Variants in RGPD2 observed in about 807,000 individuals in gnomAD.
RGPD2 encodes RANBP2-like and GRIP domain-containing protein 2.
In RGPD2, 2 loss-of-function variants were observed where a neutral mutation model predicts 36.0. The ratio of observed to expected loss-of-function variants is 0.06; its 90% confidence interval spans 0.02 to 0.17. RGPD2 has a LOEUF of 0.17. Among genes scored for constraint, RGPD2 ranks in the 10% least tolerant of loss-of-function variants. The pLI is 1.00. For synonymous variants in RGPD2, 19 were observed against 163.8 expected (o/e 0.12, Z 6.75); for missense variants, 40 against 464.3 (o/e 0.09, Z 8.40).
At chr2:87,763,332 T>C (rs1306361750) in intron 22 of RGPD2, among the ~76,000 whole-genome samples, 3 of 150,500 alleles carry the variant, frequency 2.0e-5, no homozygotes, top group African/African-American at 7.4e-5. Flanking sequence ...TAATTTTTTG[T>C]ATTTTTAGTA....
intron 22 of RGPD2, among the ~76,000 whole-genome samples, chr2:87,769,715 A>G (rs1178315932): frequency 6.6e-6 from 1 of 151,862 alleles, no homozygotes; most frequent in Admixed American, 6.6e-5. Context: ...TAAAATGCAA[A>G]CATTCTTAAA....
intron 21 of RGPD2, among the ~76,000 whole-genome samples, chr2:87,772,856 TA>T (rs1685169542): frequency 6.6e-6 from 1 of 150,748 alleles, no homozygotes; most frequent in Non-Finnish European, 1.5e-5. Flanking sequence ...GCATCCTGTG[TA>T]AATACTGGAG....
At chr2:87,884,873 T>C in the RGPD2 span, among the ~76,000 whole-genome samples, 2 of 152,154 alleles carry the variant, frequency 1.3e-5, no homozygotes, top group African/African-American at 4.8e-5. Flanking sequence ...AAAGAACTAA[T>C]GCCAATCATT....
At chr2:87,869,008 T>C in the RGPD2 span, among the ~76,000 whole-genome samples, 1 of 151,948 alleles carries the variant, frequency 6.6e-6, no homozygotes, top group Non-Finnish European at 1.5e-5. Context: ...AGTGCTTGAC[T>C]CATAGTGAGG....
the RGPD2 span, among the ~76,000 whole-genome samples, chr2:87,966,363 A>T: frequency 6.8e-6 from 1 of 147,648 alleles, no homozygotes; most frequent in African/African-American, 2.5e-5. Context: ...AATAAGCCAT[A>T]CAGCAGTGAA....
the RGPD2 span, among the ~76,000 whole-genome samples, chr2:87,961,061 T>C: frequency 3.4e-5 from 5 of 148,604 alleles, no homozygotes; most frequent in African/African-American, 7.5e-5. Flanking sequence ...TGAAATACAA[T>C]TGAAAAAATA....
chr2:87,872,110 T>C, the RGPD2 span, among the ~76,000 whole-genome samples: 8 of 148,052 alleles, frequency 5.4e-5, no homozygotes, highest in African/African-American at 1.8e-4. Flanking sequence ...TGGCTATTTC[T>C]AAAAAGTAGA....
At chr2:87,910,581 C>G in the RGPD2 span, among the ~76,000 whole-genome samples, 1 of 152,228 alleles carries the variant, frequency 6.6e-6, no homozygotes, top group East Asian at 1.9e-4. Context: ...TCAACAAATA[C>G]AGCTGTCCTC....
chr2:87,761,000 T>G (rs940645955), intron 22 of RGPD2, among the ~76,000 whole-genome samples: 3 of 136,302 alleles, frequency 2.2e-5, no homozygotes, highest in Non-Finnish European at 4.8e-5. Context: ...TTGACTCTTG[T>G]TCTGTTTTTT....
the RGPD2 span, among the ~76,000 whole-genome samples, chr2:87,929,382 C>G: frequency 2.9e-4 from 43 of 150,132 alleles, no homozygotes; most frequent in East Asian, 1.2e-3. Context: ...ATCTATTTGC[C>G]TGTTTTTGTA....
At chr2:87,989,674 G>A in the RGPD2 span, 1 of 900,112 alleles carries the variant, frequency 1.1e-6, no homozygotes, top group Non-Finnish European at 1.5e-6. Context: ...TTCTTGGAAA[G>A]CTACCAAATG....
the RGPD2 span, among the ~76,000 whole-genome samples, chr2:87,886,909 A>G: frequency 1.3e-5 from 2 of 151,860 alleles, no homozygotes; most frequent in African/African-American, 4.8e-5. Context: ...GCATGTACCC[A>G]AGGTCACATA....
In RGPD2 at chr2:87,756,013, TC is replaced by T. The variant is rs2104205730; in HGVS notation, c.*1378del. 1 of 4,594 alleles carries T rather than the reference TC, an allele frequency of 2.2e-4. No homozygotes were observed. The highest frequency in any genetic ancestry group is 5.0e-3 in the South Asian group (1 of 202). The allele number at this position is 4,594 out of a possible 1,614,324, so 0.3% of individuals were successfully genotyped here. ...AAACCAAACAAAAAAGAGCTTTGTT[TC>T]TTTTCACATTCATTTCTCAGTTTAG... On this transcript the variant is annotated 3_prime_UTR_variant, in exon 23 of 23. Coordinates refer to ENST00000398146, the MANE Select transcript of RGPD2 (RefSeq NM_001078170.3).
chr2:87,836,960 C>A, the RGPD2 span, among the ~76,000 whole-genome samples: 1 of 152,000 alleles, frequency 6.6e-6, no homozygotes, highest in Non-Finnish European at 1.5e-5. Flanking sequence ...AGACTTTAAA[C>A]CAACAATCAT....
chr2:87,927,457 C>T, the RGPD2 span, among the ~76,000 whole-genome samples: 2 of 145,758 alleles, frequency 1.4e-5, no homozygotes, highest in East Asian at 4.0e-4. Context: ...GTTGTAGCTG[C>T]TCCATTTAAA....
At chr2:87,915,809 T>C in the RGPD2 span, among the ~76,000 whole-genome samples, 1 of 151,186 alleles carries the variant, frequency 6.6e-6, no homozygotes, top group African/African-American at 2.4e-5. Context: ...AAATTTATAA[T>C]GCTTGTTTTC....
At chr2:87,972,112 T>A in the RGPD2 span, among the ~76,000 whole-genome samples, 1 of 152,110 alleles carries the variant, frequency 6.6e-6, no homozygotes, top group African/African-American at 2.4e-5. Context: ...AAAAGAAATA[T>A]ATCTACCAGA....
chr2:87,866,714 T>A, the RGPD2 span, among the ~76,000 whole-genome samples: 1 of 152,088 alleles, frequency 6.6e-6, no homozygotes, highest in African/African-American at 2.4e-5. Flanking sequence ...TCTGCACATG[T>A]GGGGCGAGGG....
the RGPD2 span, among the ~76,000 whole-genome samples, chr2:87,864,728 T>C: frequency 7.6e-3 from 1,161 of 152,310 alleles, no homozygotes; most frequent in South Asian, 0.026. Context: ...TTTCATGTGC[T>C]TGTTTACCAT....
Sources: gnomAD v4.1 joint callset for allele counts (sites outside exome capture counted in the v4.1 genomes callset) on GRCh38, gnomAD v4.1.1 for gene constraint, MANE v1.5 for transcripts, NCBI Gene and HGNC (gene_info 2026-07-23, HGNC 2026-07-21) for gene names.